CAP1: variants seen among roughly 807,000 people sequenced by gnomAD.
CAP1 encodes the protein adenylyl cyclase-associated protein 1.
CAP1 carries 11 observed loss-of-function variants against 58.2 expected under a neutral mutation model. The observed-to-expected ratio is 0.19, with a 90% CI of 0.12 to 0.31. The LOEUF is 0.31. Ranked by LOEUF, CAP1 falls within the 10% of genes least tolerant of loss-of-function variation. The pLI, the probability that CAP1 is intolerant of heterozygous loss-of-function variation, is 1.00. For synonymous variants in CAP1, 183 were observed against 213.8 expected (o/e 0.86, Z 1.26); for missense variants, 423 against 587.5 (o/e 0.72, Z 2.89).
In CAP1 at chr1:40,072,527, C is replaced by CT. The variant is rs773042885; in HGVS notation, c.*1002dup. The CT allele has an allele frequency of 1.2e-3, 190 of 155,354 alleles. No individual in the cohort carries two copies. The highest frequency in any genetic ancestry group is 3.3e-3 in the Middle Eastern group (1 of 304). 9.6% of individuals were successfully genotyped at this position (155,354 alleles called of 1,614,324 possible). On this transcript the variant is annotated 3_prime_UTR_variant, in exon 13 of 13. Coordinates refer to ENST00000372805, the MANE Select transcript of CAP1 (RefSeq NM_006367.4). ...GACAAACACTTACCAAAATATGCAACTTTTTTTTGGTGGGAAGAGAGATTG... is the reference window on the plus strand; with the variant it reads ...GACAAACACTTACCAAAATATGCAACTTTTTTTTTGGTGGGAAGAGAGATTG...
chr1:40,042,128 C>T (rs1352873554), intron 1 of CAP1, among the ~76,000 whole-genome samples: 3 of 152,316 alleles, frequency 2.0e-5, no homozygotes, highest in East Asian at 1.9e-4. Flanking sequence ...CCCCCCACCT[C>T]GGCCTCCCAA....
At chr1:40,069,194 A>G (rs1019849002) in intron 8 of CAP1, among the ~76,000 whole-genome samples, 1 of 152,260 alleles carries the variant, frequency 6.6e-6, no homozygotes, top group African/African-American at 2.4e-5. Flanking sequence ...TAGTTGAACT[A>G]AATTTGTTAA....
intron 1 of CAP1, among the ~76,000 whole-genome samples, chr1:40,057,943 T>C (rs948573421): frequency 2.0e-5 from 3 of 152,236 alleles, no homozygotes; most frequent in African/African-American, 7.2e-5. Flanking sequence ...GTGTGACTTA[T>C]GGGCAACTTT....
intron 1 of CAP1, among the ~76,000 whole-genome samples, chr1:40,042,733 G>A (rs72935597): frequency 0.028 from 4,283 of 152,274 alleles, 202 homozygotes; most frequent in African/African-American, 0.095. Flanking sequence ...GACCAGCCCT[G>A]TGGGGAAGTA....
rs775147570 is a variant in CAP1, at chr1:40,070,520, G to A, written c.1200+8G>A. The A allele has an allele frequency of 6.8e-6, 11 of 1,607,058 alleles. No individual in the cohort carries two copies. The highest frequency in any genetic ancestry group is 4.4e-5 in the South Asian group (4 of 90,912). On this transcript the variant is annotated splice_region_variant and intron_variant, in intron 11 of 12. Coordinates refer to ENST00000372805, the MANE Select transcript of CAP1 (RefSeq NM_006367.4). ...AAGGATGTCAAAGTTCAGGTAACTC[G>A]ATATTTTGGCTCCTTCTTTTTGTCC...
intron 1 of CAP1, 66 bp from the exon 2 acceptor site, chr1:40,059,270 CT>C (rs1646746946): frequency 2.2e-6 from 2 of 888,912 alleles, no homozygotes; most frequent in South Asian, 2.9e-5. Flanking sequence ...CAGGAATTTT[CT>C]GTTTTTTTCT....
chr1:40,046,752 G>GTT (rs1014950719), intron 1 of CAP1, among the ~76,000 whole-genome samples: 5 of 151,352 alleles, frequency 3.3e-5, no homozygotes, highest in Non-Finnish European at 7.4e-5. Context: ...GTAACACAGT[G>GTT]TAAGTATTTG....
rs12083726 is a variant in CAP1 at position 40,064,880 on chromosome 1, A to G, written c.524+321A>G. 7.3e-3 allele frequency among the ~76,000 whole-genome samples: 1,114 copies of G among 152,234 alleles called. 13 individuals carry two copies. Among genetic ancestry groups the G allele is most frequent in the African/African-American group, 0.025 (1,020 of 41,528 alleles). ...CCCAGCCAAGTTCAGCTTTTTCTCA[A>G]GGGGTAAAGGATAAACCCATTTGGT... is the stretch of plus-strand genomic sequence containing the variant. On this transcript the variant is annotated intron_variant, in intron 6 of 12. Transcript: ENST00000372805.
At chr1:40,044,098 G>C (rs1645970752) in intron 1 of CAP1, among the ~76,000 whole-genome samples, 1 of 152,054 alleles carries the variant, frequency 6.6e-6, no homozygotes, top group South Asian at 2.1e-4. Flanking sequence ...AAAATGTTTT[G>C]TTTCCAACCT....
intron 4 of CAP1, among the ~76,000 whole-genome samples, chr1:40,063,431 C>T (rs1305462927): frequency 1.3e-5 from 2 of 151,826 alleles, no homozygotes; most frequent in Non-Finnish European, 2.9e-5. Context: ...CCCACCTTGG[C>T]CTCCCAAAGT....
chr1:40,059,497 C>T (rs1003593707), intron 2 of CAP1, 39 bp downstream of exon 2: 1 of 1,250,184 alleles, frequency 8.0e-7, no homozygotes, highest in Non-Finnish European at 1.2e-6. Context: ...TTTCTTTGAG[C>T]GTCTTGGCCT....
intron 7 of CAP1, 66 bp from the exon 8 acceptor site, chr1:40,067,474 C>A (rs1173683803): frequency 7.2e-6 from 10 of 1,379,518 alleles, no homozygotes; most frequent in Non-Finnish European, 9.9e-6. Context: ...CCATGTAGGG[C>A]ACTACTGGGA....
intron 11 of CAP1, 58 bp from the exon 12 acceptor site, chr1:40,070,778 C>T (rs1647792367): frequency 1.1e-5 from 16 of 1,478,282 alleles, no homozygotes; most frequent in Non-Finnish European, 1.4e-5. Context: ...CCTTTTCCTG[C>T]GACTTACTGT....
intron 11 of CAP1, 101 bp downstream of exon 11, chr1:40,070,613 A>C: frequency 9.1e-7 from 1 of 1,094,412 alleles, no homozygotes; most frequent in Non-Finnish European, 1.4e-6. Flanking sequence ...CTGATTCTAC[A>C]AAGTCTGTAA....
chr1:40,046,379 C>G (rs550156065), intron 1 of CAP1, among the ~76,000 whole-genome samples: 1 of 151,898 alleles, frequency 6.6e-6, no homozygotes, highest in African/African-American at 2.4e-5. Flanking sequence ...CACTTGAACC[C>G]GGGGAGGTGG....
intron 1 of CAP1, among the ~76,000 whole-genome samples, chr1:40,047,999 A>G (rs749966919): frequency 2.0e-5 from 3 of 152,096 alleles, no homozygotes; most frequent in Admixed American, 6.6e-5. Context: ...GTGAAACCAA[A>G]TGCTTAGAGA....
chr1:40,044,788 C>CTTTTTT (rs71060347), intron 1 of CAP1, among the ~76,000 whole-genome samples: 4 of 85,234 alleles, frequency 4.7e-5, no homozygotes, highest in Admixed American at 1.3e-4. Context: ...CCATATAATT[C>CTTTTTT]TTTTTTTTTT....
At chr1:40,060,368 C>T (rs906495918) in intron 3 of CAP1, among the ~76,000 whole-genome samples, 198 bp downstream of exon 3, 2 of 152,102 alleles carry the variant, frequency 1.3e-5, no homozygotes, top group African/African-American at 4.8e-5. Flanking sequence ...TTCTAGGCCC[C>T]TTGCTTTTAT....
chr1:40,056,482 G>A (rs1340532087), intron 1 of CAP1, among the ~76,000 whole-genome samples: 1 of 152,016 alleles, frequency 6.6e-6, no homozygotes, highest in Admixed American at 6.6e-5. Flanking sequence ...TTTCTGTAGA[G>A]ATGGAATTTT....
Sources: allele counts gnomAD v4.1 joint callset (sites outside exome capture counted in the v4.1 genomes callset), GRCh38; gene constraint gnomAD v4.1.1; transcripts MANE v1.5; gene names NCBI Gene and HGNC (gene_info 2026-07-23, HGNC 2026-07-21).